Variants in DAB1 observed in about 807,000 individuals in gnomAD.
The protein encoded by DAB1 is disabled homolog 1.
In DAB1, 15 loss-of-function variants were observed where a neutral mutation model predicts 64.6. The ratio of observed to expected loss-of-function variants is 0.23; its 90% confidence interval spans 0.16 to 0.36. The LOEUF (loss-of-function observed/expected upper bound fraction) is 0.36, where lower values mean the gene tolerates loss of function less well. Ranked by LOEUF, DAB1 falls within the 10% of genes least tolerant of loss-of-function variation. The probability of loss-of-function intolerance (pLI) is 1.00; values close to 1 mark genes in which losing one functional copy is unlikely to be tolerated. For synonymous variants in DAB1, 235 were observed against 251.9 expected, an observed-to-expected ratio of 0.93 and a Z score of 0.64; for missense variants, 596 against 706.7, an observed-to-expected ratio of 0.84 and a Z score of 1.78.
intron 7 of DAB1, among the ~76,000 whole-genome samples, chr1:57,467,445 T>C (rs1686989011): frequency 6.6e-6 from 1 of 152,220 alleles, no homozygotes; most frequent in Non-Finnish European, 1.5e-5. Context: ...AAATCTCAAC[T>C]ACTATCCCCT....
At chr1:58,072,707 G>A (rs1482671600) in intron 5 of DAB1, among the ~76,000 whole-genome samples, 1 of 152,206 alleles carries the variant, frequency 6.6e-6, no homozygotes, top group African/African-American at 2.4e-5. Context: ...ATATGATCAT[G>A]CAAAATCTCT....
At chr1:58,019,595 C>T (rs1646788418) in intron 5 of DAB1, among the ~76,000 whole-genome samples, 1 of 152,212 alleles carries the variant, frequency 6.6e-6, no homozygotes, top group Non-Finnish European at 1.5e-5. Flanking sequence ...AAATGCATTG[C>T]TTTCCTCATT....
chr1:58,433,627 G>A (rs1373009783), intron 3 of DAB1, among the ~76,000 whole-genome samples: 1 of 147,690 alleles, frequency 6.8e-6, no homozygotes, highest in East Asian at 2.0e-4. Flanking sequence ...GTGTTTGTGT[G>A]TGTGTGTGCT....
At chr1:57,906,964 ATAG>A in intron 5 of DAB1, among the ~76,000 whole-genome samples, 1 of 152,150 alleles carries the variant, frequency 6.6e-6, no homozygotes, top group Non-Finnish European at 1.5e-5. Context: ...AGATAGATAG[ATAG>A]ATAGATAGAT....
At chr1:57,481,816 CA>C (rs11367788) in intron 7 of DAB1, among the ~76,000 whole-genome samples, 30,576 of 127,910 alleles carry the variant, frequency 0.24, 3,900 homozygotes, top group African/African-American at 0.42. Context: ...GACTCTGTCT[CA>C]AAAAAAAAAA....
chr1:57,963,774 T>TG (rs5774381), intron 5 of DAB1, among the ~76,000 whole-genome samples: 146,880 of 152,158 alleles, frequency 0.97, 71,116 homozygotes, highest in East Asian at 1. Flanking sequence ...TCATCTGCTC[T>TG]CCACCAAACT....
intron 6 of DAB1, among the ~76,000 whole-genome samples, chr1:57,739,359 G>A (rs542758438): frequency 6.2e-5 from 9 of 145,068 alleles, no homozygotes; most frequent in African/African-American, 2.3e-4. Context: ...AGGAGTCAGG[G>A]AAGAATAACA....
At chr1:58,373,103 T>TA (rs1644282995) in intron 3 of DAB1, among the ~76,000 whole-genome samples, 2 of 152,074 alleles carry the variant, frequency 1.3e-5, no homozygotes, top group African/African-American at 4.8e-5. Flanking sequence ...CTAAGTTTCT[T>TA]AAAATAATAA....
chr1:58,073,707 AATGGGG>A (rs1325200268), intron 5 of DAB1, among the ~76,000 whole-genome samples: 3 of 152,146 alleles, frequency 2.0e-5, no homozygotes, highest in Non-Finnish European at 4.4e-5. Context: ...TAGAATTTGG[AATGGGG>A]ATGGGGCAGC....
At chr1:57,232,532 T>C (rs1667763109) in intron 2 of DAB1, among the ~76,000 whole-genome samples, 1 of 152,094 alleles carries the variant, frequency 6.6e-6, no homozygotes, top group African/African-American at 2.4e-5. Flanking sequence ...TCTAACACAC[T>C]TTTGAGCTCT....
At chr1:57,067,559 C>T (rs368372774) in intron 8 of DAB1, among the ~76,000 whole-genome samples, 3 of 152,092 alleles carry the variant, frequency 2.0e-5, no homozygotes, top group Non-Finnish European at 2.9e-5. Flanking sequence ...CATGTGCACA[C>T]GCAAATTTTC....
intron 5 of DAB1, among the ~76,000 whole-genome samples, chr1:58,021,242 C>T (rs865890987): frequency 3.3e-5 from 5 of 152,186 alleles, no homozygotes; most frequent in African/African-American, 9.6e-5. Context: ...CTAGAGTGGG[C>T]GTCATGCACT....
intron 7 of DAB1, among the ~76,000 whole-genome samples, chr1:57,469,450 T>C (rs7536271): frequency 0.51 from 77,075 of 151,838 alleles, 20,321 homozygotes; most frequent in Non-Finnish European, 0.6. Flanking sequence ...TCCCTACTCC[T>C]TCCCTCCCTC....
At chr1:57,549,257 T>C (rs1644888767) in intron 7 of DAB1, among the ~76,000 whole-genome samples, 1 of 152,174 alleles carries the variant, frequency 6.6e-6, no homozygotes, top group Non-Finnish European at 1.5e-5. Flanking sequence ...AATTGTAAAC[T>C]TCTCCAAGGC....
intron 6 of DAB1, among the ~76,000 whole-genome samples, chr1:57,695,277 G>A (rs898671312): frequency 0.017 from 1,264 of 74,716 alleles, 257 homozygotes; most frequent in African/African-American, 0.04. Flanking sequence ...AGGAAGGAAG[G>A]AAGGAAGAAA....
In DAB1 at chr1:57,914,534, C is replaced by T. The variant is rs111519162; in HGVS notation, n.388-30372G>A. On this transcript the variant is annotated intron_variant and non_coding_transcript_variant, in intron 5 of 20. Coordinates refer to the DAB1 transcript ENST00000485760. Reference sequence around the variant, plus strand: ...CATGTATACATATGTAACAAACCTGCACGTTGTGCACATGTACCCTAATAC... The same window carrying T: ...CATGTATACATATGTAACAAACCTGTACGTTGTGCACATGTACCCTAATAC... Among the ~76,000 whole-genome samples, 438 of 152,086 alleles carry T rather than the reference C, an allele frequency of 2.9e-3. 4 individuals carry two copies. The highest frequency in any genetic ancestry group is 0.01 in the African/African-American group (417 of 41,446).
chr1:57,555,182 G>A (rs1191785192), intron 7 of DAB1, among the ~76,000 whole-genome samples: 3 of 151,358 alleles, frequency 2.0e-5, no homozygotes, highest in African/African-American at 4.9e-5. Flanking sequence ...CTACAGGCAC[G>A]TGCCCCCACA....
intron 7 of DAB1, among the ~76,000 whole-genome samples, chr1:57,545,260 C>T (rs769242489): frequency 2.6e-5 from 4 of 152,202 alleles, no homozygotes; most frequent in Non-Finnish European, 5.9e-5. Flanking sequence ...ACCCAAGCCC[C>T]AGCACTCCAG....
intron 6 of DAB1, among the ~76,000 whole-genome samples, chr1:57,689,969 T>G (rs1441239688): frequency 6.6e-6 from 1 of 152,056 alleles, no homozygotes; most frequent in Non-Finnish European, 1.5e-5. Context: ...TCAATTGTTT[T>G]GATTTTTAGA....
Sources: gnomAD v4.1 joint callset for allele counts (sites outside exome capture counted in the v4.1 genomes callset) on GRCh38, gnomAD v4.1.1 for gene constraint, MANE v1.5 for transcripts, NCBI Gene and HGNC (gene_info 2026-07-23, HGNC 2026-07-21) for gene names.